The following CPNE4 variants were observed in gnomAD, a reference collection of about 807,000 sequenced individuals.
CPNE4 encodes copine-4.
Under a neutral mutation model 67.9 loss-of-function variants are expected in CPNE4, and 25 were observed. The observed-to-expected ratio is 0.37, with a 90% CI of 0.27 to 0.51. The LOEUF (loss-of-function observed/expected upper bound fraction) is 0.51. Among genes scored for constraint, CPNE4 ranks in the 20% least tolerant of loss-of-function variants. The pLI, the probability that CPNE4 is intolerant of heterozygous loss-of-function variation, is 0.93. For synonymous variants in CPNE4, 242 were observed against 244.9 expected, an observed-to-expected ratio of 0.99 and a Z score of 0.11; for missense variants, 464 against 690.8, an observed-to-expected ratio of 0.67 and a Z score of 3.68.
chr3:131,753,923 C>T (rs976731375), intron 2 of CPNE4, among the ~76,000 whole-genome samples: 1 of 151,996 alleles, frequency 6.6e-6, no homozygotes, highest in African/African-American at 2.4e-5. Flanking sequence ...CAATTCTGTA[C>T]TTCAGAATAT....
At chr3:131,758,606 G>T (rs1368640927) in intron 2 of CPNE4, among the ~76,000 whole-genome samples, 1 of 152,094 alleles carries the variant, frequency 6.6e-6, no homozygotes, top group Non-Finnish European at 1.5e-5. Flanking sequence ...GGAGACTGTT[G>T]GGAAGGCATG....
At chr3:131,540,171 G>T (rs184692807) in intron 15 of CPNE4, among the ~76,000 whole-genome samples, 328 of 152,300 alleles carry the variant, frequency 2.2e-3, no homozygotes, top group Non-Finnish European at 3.9e-3. Flanking sequence ...TGCTGTTGCT[G>T]TTACTTAGAA....
At chr3:131,676,585 C>T (rs1265266975) in intron 6 of CPNE4, among the ~76,000 whole-genome samples, 1 of 152,030 alleles carries the variant, frequency 6.6e-6, no homozygotes, top group African/African-American at 2.4e-5. Context: ...TCTATATGTC[C>T]GTGTGTTCTC....
chr3:131,766,289 G>T (rs1460889940), intron 2 of CPNE4, among the ~76,000 whole-genome samples: 1 of 119,554 alleles, frequency 8.4e-6, no homozygotes, highest in Non-Finnish European at 1.8e-5. Flanking sequence ...ATTAAGCAAA[G>T]TGTTTTACAA....
intron 7 of CPNE4, among the ~76,000 whole-genome samples, chr3:131,638,671 T>C (rs2079458268): frequency 6.6e-6 from 1 of 152,108 alleles, no homozygotes; most frequent in African/African-American, 2.4e-5. Flanking sequence ...ACAAGTGTAC[T>C]TAACAGATAT....
At chr3:131,933,060 T>C (rs1254465865) in intron 1 of CPNE4, among the ~76,000 whole-genome samples, 1 of 152,114 alleles carries the variant, frequency 6.6e-6, no homozygotes, top group African/African-American at 2.4e-5. Flanking sequence ...GCTGACACAC[T>C]GAGAACAGGA....
At chr3:131,790,615 C>T (rs897741375) in intron 2 of CPNE4, among the ~76,000 whole-genome samples, 8 of 152,142 alleles carry the variant, frequency 5.3e-5, no homozygotes, top group Admixed American at 2.6e-4. Flanking sequence ...TCCTGCTTGT[C>T]TTCTGAGACT....
At chr3:131,760,677 T>C (rs1439813975) in intron 2 of CPNE4, among the ~76,000 whole-genome samples, 5 of 152,206 alleles carry the variant, frequency 3.3e-5, no homozygotes, top group Non-Finnish European at 7.3e-5. Context: ...CTATTGAGGA[T>C]GATTTGCCCA....
chr3:131,598,477 A>G (rs1939016552), intron 7 of CPNE4, among the ~76,000 whole-genome samples: 1 of 152,212 alleles, frequency 6.6e-6, no homozygotes, highest in South Asian at 2.1e-4. Flanking sequence ...CCCTTTGACA[A>G]TTAAAAGTCA....
intron 4 of CPNE4, 125 bp from the exon 5 acceptor site, chr3:131,696,741 TC>T: frequency 1.2e-6 from 1 of 801,838 alleles, no homozygotes; most frequent in African/African-American, 1.7e-5. Flanking sequence ...AAAGAGTTTT[TC>T]CACAACCCTA....
intron 7 of CPNE4, among the ~76,000 whole-genome samples, chr3:131,612,226 T>C (rs889787539): frequency 6.6e-6 from 1 of 151,990 alleles, no homozygotes; most frequent in African/African-American, 2.4e-5. Flanking sequence ...ATATGAAAAT[T>C]AGCCAGGCGT....
rs908397345 is a variant in CPNE4, at chr3:131,852,806, A to C, written c.180+52458T>G. On this transcript the variant is annotated intron_variant, in intron 2 of 15. Coordinates refer to ENST00000429747, the MANE Select transcript of CPNE4 (RefSeq NM_130808.3). ...TAGCAAAGTCACAGGATACCATTTC[A>C]ATATACAAAAATCAATTGTATTTTT... 4.5e-4 allele frequency among the ~76,000 whole-genome samples: 68 copies of C among 151,874 alleles called. 1 individual carries two copies. Among genetic ancestry groups the C allele is most frequent in the African/African-American group, 1.6e-3 (68 of 41,538 alleles).
intron 2 of CPNE4, among the ~76,000 whole-genome samples, chr3:131,904,177 G>A (rs2088656283): frequency 6.6e-6 from 1 of 152,086 alleles, no homozygotes; most frequent in African/African-American, 2.4e-5. Flanking sequence ...TTTTACACAT[G>A]AGTCTTGGGG....
At chr3:131,620,467 T>C (rs973859420) in intron 7 of CPNE4, 43 of 985,254 alleles carry the variant, frequency 4.4e-5, no homozygotes, top group Non-Finnish European at 5.1e-5. Flanking sequence ...CATAGATAAA[T>C]GCTTTTTGTC....
intron 6 of CPNE4, among the ~76,000 whole-genome samples, chr3:131,681,040 A>G (rs1423578615): frequency 1.3e-5 from 2 of 152,224 alleles, no homozygotes; most frequent in African/African-American, 2.4e-5. Context: ...GTATATAAAT[A>G]CCACAATTTC....
intron 2 of CPNE4, among the ~76,000 whole-genome samples, chr3:131,828,654 G>A (rs1320066251): frequency 6.6e-6 from 1 of 152,056 alleles, no homozygotes; most frequent in African/African-American, 2.4e-5. Context: ...ATTTAGAAGG[G>A]GAACTGTTGA....
chr3:131,902,785 CT>C (rs1171042398), intron 2 of CPNE4, among the ~76,000 whole-genome samples: 1 of 151,884 alleles, frequency 6.6e-6, no homozygotes, highest in East Asian at 1.9e-4. Context: ...CAAGGAGTTA[CT>C]TTTTTATAAT....
intron 1 of CPNE4, among the ~76,000 whole-genome samples, chr3:132,011,909 C>A (rs539968344): frequency 9.2e-4 from 140 of 152,270 alleles, no homozygotes; most frequent in Non-Finnish European, 1.9e-3. Context: ...TTCTGTAGAA[C>A]CTTGGTGATT....
At chr3:131,904,324 C>T (rs939849985) in intron 2 of CPNE4, among the ~76,000 whole-genome samples, 24 of 152,090 alleles carry the variant, frequency 1.6e-4, no homozygotes, top group African/African-American at 5.6e-4. Flanking sequence ...CTCATGATTT[C>T]CACATGCAGG....
Sources: gnomAD v4.1 joint callset for allele counts (sites outside exome capture counted in the v4.1 genomes callset) on GRCh38, gnomAD v4.1.1 for gene constraint, MANE v1.5 for transcripts, NCBI Gene and HGNC (gene_info 2026-07-23, HGNC 2026-07-21) for gene names.